Variants in TMEM63B observed in about 807,000 individuals in gnomAD.
TMEM63B encodes mechanosensitive cation channel TMEM63B.
In TMEM63B, 23 loss-of-function variants were observed where a neutral mutation model predicts 102.6. That is an observed-to-expected ratio of 0.22 (90% CI 0.16 to 0.32). The LOEUF (loss-of-function observed/expected upper bound fraction) is 0.32. Among genes scored for constraint, TMEM63B ranks in the 10% least tolerant of loss-of-function variants. TMEM63B has a pLI of 1.00. For synonymous variants in TMEM63B, 444 were observed against 437.0 expected, an observed-to-expected ratio of 1.02 and a Z score of -0.20; for missense variants, 628 against 1,095.9, an observed-to-expected ratio of 0.57 and a Z score of 6.03.
intron 9 of TMEM63B, among the ~76,000 whole-genome samples, 199 bp from the exon 10 acceptor site, chr6:44,140,825 TGTTG>T (rs1257066903): frequency 2.0e-5 from 3 of 152,174 alleles, no homozygotes; most frequent in African/African-American, 4.8e-5. Context: ...GCCTGATTTC[TGTTG>T]GAAACACTCC....
chr6:44,128,748 A>G (rs1273930636), intron 1 of TMEM63B, among the ~76,000 whole-genome samples: 3 of 152,190 alleles, frequency 2.0e-5, no homozygotes, highest in Admixed American at 2.0e-4. Flanking sequence ...CTCCCAGGCC[A>G]GGGTGAGGTG....
chr6:44,148,743 GC>G lies in TMEM63B; in HGVS notation c.1260-47del. The G allele has an allele frequency of 4.3e-6, 7 of 1,611,888 alleles. No homozygotes were observed. Among genetic ancestry groups the G allele is most frequent in the Non-Finnish European group, 5.9e-6 (7 of 1,178,232 alleles). ...AGGGAGTGTCTTGGTGTCACTGGGG[GC>G]CAATCCTGCCCTTGGTTCCTGGACT... On this transcript the variant is annotated intron_variant, in intron 14 of 23. Transcript: ENST00000323267. This position sits in a 1 kb window ranked among gnomAD's most constrained non-coding sequence, Gnocchi z 5.1.
chr6:44,153,983 A>G, intron 21 of TMEM63B, 90 bp from the exon 22 acceptor site: 3 of 1,554,750 alleles, frequency 1.9e-6, no homozygotes, highest in Non-Finnish European at 2.6e-6. Context: ...AGCACCTGGG[A>G]GAGTGAGGAC....
chr6:44,128,204 G>A (rs1231142732), intron 1 of TMEM63B, among the ~76,000 whole-genome samples: 1 of 152,160 alleles, frequency 6.6e-6, no homozygotes, highest in Non-Finnish European at 1.5e-5. Flanking sequence ...CTCGGGCAAG[G>A]GCAGGGTTCG....
chr6:44,150,413 A>G lies in TMEM63B; in HGVS notation c.1607+103A>G. 1.4e-6 allele frequency: 2 copies of G among 1,463,308 alleles called. No individual in the cohort carries two copies. Among genetic ancestry groups the G allele is most frequent in the Non-Finnish European group, 1.9e-6 (2 of 1,047,024 alleles). 90.6% of individuals were successfully genotyped at this position (1,463,308 alleles called of 1,614,324 possible). On this transcript the variant is annotated intron_variant, in intron 17 of 23. Coordinates refer to ENST00000323267, the MANE Select transcript of TMEM63B (RefSeq NM_018426.3). The surrounding 1 kb of genome is among the most constrained non-coding windows in gnomAD (Gnocchi z 4.7). ...ACCTCCCCTACAAAGCAAGGGGCCC[A>G]AGATGGGAAGCCTGGCCACCCCCAG...
chr6:44,146,325 T>C (rs1042974024), intron 10 of TMEM63B, among the ~76,000 whole-genome samples: 7 of 152,162 alleles, frequency 4.6e-5, no homozygotes, highest in African/African-American at 1.4e-4. Flanking sequence ...AGTCACACAG[T>C]GCTCAGGCCT....
intron 20 of TMEM63B, among the ~76,000 whole-genome samples, chr6:44,153,337 C>A (rs1052601613): frequency 1.3e-5 from 2 of 152,190 alleles, no homozygotes; most frequent in African/African-American, 4.8e-5. Flanking sequence ...TATCCCTCAG[C>A]CTCTGGGGAA....
At chr6:44,136,924 AG>A (rs1476224366) in intron 5 of TMEM63B, among the ~76,000 whole-genome samples, 1 of 152,230 alleles carries the variant, frequency 6.6e-6, no homozygotes, top group Non-Finnish European at 1.5e-5. Context: ...GGGCGCCTGT[AG>A]TCCCAGCTAC....
At position 44,154,814 on chromosome 6, in the gene TMEM63B, C is replaced by T. The variant is rs1020729639; in HGVS notation, c.2430C>T (p.Pro810=). ...SSQDEELLMP[P]DALTDTDFQS... ...AAGATGAGGAGTTGCTGATGCCACC[C>T]GACGCCCTCACGGACACAGACTTCC... Residue 810 remains proline, a synonymous_variant, in exon 24 of 24, where the codon CCC becomes CCT. Transcript: ENST00000323267. The T allele has an allele frequency of 3.7e-6, 6 of 1,610,480 alleles. No homozygotes were observed. The highest frequency in any genetic ancestry group is 1.3e-5 in the African/African-American group (1 of 74,780).
intron 1 of TMEM63B, among the ~76,000 whole-genome samples, chr6:44,134,057 C>G (rs1762449611): frequency 6.6e-6 from 1 of 152,208 alleles, no homozygotes. Flanking sequence ...TGAAATCATG[C>G]CATTTTTTCT....
rs1248949839 is a variant in TMEM63B, at chr6:44,152,447, C to T, written c.1837-146C>T. On this transcript the variant is annotated intron_variant, in intron 19 of 23. Transcript: ENST00000323267. This position sits in a 1 kb window ranked among gnomAD's most constrained non-coding sequence, Gnocchi z 6.4. ...AGCCCCTCTCTCCATCTGCTCTGCCCTACCCTACCCTAGACATTAGGTCCT... is the reference window on the plus strand; with the variant it reads ...AGCCCCTCTCTCCATCTGCTCTGCCTTACCCTACCCTAGACATTAGGTCCT... 3 of 655,216 alleles carry T rather than the reference C, an allele frequency of 4.6e-6. No individual in the cohort carries two copies. The highest frequency in any genetic ancestry group is 8.1e-6 in the Non-Finnish European group (3 of 371,842). 40.6% of individuals were successfully genotyped at this position (655,216 alleles called of 1,614,324 possible).
chr6:44,140,176 A>C, intron 8 of TMEM63B, 76 bp from the exon 9 acceptor site: 1 of 1,198,510 alleles, frequency 8.3e-7, no homozygotes, highest in Non-Finnish European at 1.2e-6. Flanking sequence ...AGGGTTTAAC[A>C]CTGACAGGCT....
At chr6:44,138,773 G>C in intron 6 of TMEM63B, 1 of 374,072 alleles carries the variant, frequency 2.7e-6, no homozygotes, top group African/African-American at 2.6e-5. Flanking sequence ...CCCACCTTGA[G>C]GGAGGGGGTG....
At chr6:44,138,736 G>GTCCC (rs567563400) in intron 6 of TMEM63B, 41 of 288,606 alleles carry the variant, frequency 1.4e-4, no homozygotes, top group Admixed American at 2.5e-4. Context: ...CCCCCTGCCG[G>GTCCC]CCCCCCCGCT....
chr6:44,148,741 G>A lies in TMEM63B; in HGVS notation c.1260-51G>A. 3.7e-6 allele frequency: 6 copies of A among 1,611,658 alleles called. No homozygotes were observed. The highest frequency in any genetic ancestry group is 5.1e-6 in the Non-Finnish European group (6 of 1,178,036). Reference sequence around the variant, plus strand: ...AGAGGGAGTGTCTTGGTGTCACTGGGGGCCAATCCTGCCCTTGGTTCCTGG... The same window carrying A: ...AGAGGGAGTGTCTTGGTGTCACTGGAGGCCAATCCTGCCCTTGGTTCCTGG... On this transcript the variant is annotated intron_variant, in intron 14 of 23. Coordinates refer to ENST00000323267, the MANE Select transcript of TMEM63B (RefSeq NM_018426.3). This position sits in a 1 kb window ranked among gnomAD's most constrained non-coding sequence, Gnocchi z 5.1.
In TMEM63B at chr6:44,150,167, C is replaced by G. The variant is rs144989950; in HGVS notation, c.1521-57C>G. The G allele has an allele frequency of 2.0e-4, 308 of 1,546,802 alleles. 1 individual carries two copies. In the East Asian group the frequency reaches 6.8e-3, roughly 34 times the overall value. ...TTGGACATTGTCCTTGTTGGGGGAGCAAGTCTGGGGCCTGGGCTCACTTGA... is the reference window on the plus strand; with the variant it reads ...TTGGACATTGTCCTTGTTGGGGGAGGAAGTCTGGGGCCTGGGCTCACTTGA... On this transcript the variant is annotated intron_variant, in intron 16 of 23. Coordinates refer to ENST00000323267, the MANE Select transcript of TMEM63B (RefSeq NM_018426.3). The surrounding 1 kb of genome is among the most constrained non-coding windows in gnomAD (Gnocchi z 4.7).
At position 44,150,337 on chromosome 6, in the gene TMEM63B, C is replaced by A. The variant is rs766419672; in HGVS notation, c.1607+27C>A. 6.2e-7 allele frequency: 1 copy of A among 1,603,148 alleles called. No homozygotes were observed. The highest frequency in any genetic ancestry group is 1.3e-5 in the African/African-American group (1 of 74,738). On this transcript the variant is annotated intron_variant, in intron 17 of 23. Coordinates refer to ENST00000323267, the MANE Select transcript of TMEM63B (RefSeq NM_018426.3). This position sits in a 1 kb window ranked among gnomAD's most constrained non-coding sequence, Gnocchi z 4.7. ...TGAGTTGAGAAGGATGGGGCAGGAGCCAGGGTAGGGGGACAGCAGGATAGG... is the reference window on the plus strand; with the variant it reads ...TGAGTTGAGAAGGATGGGGCAGGAGACAGGGTAGGGGGACAGCAGGATAGG...
Position 44,154,674 on chromosome 6 carries a change from T to C in TMEM63B, c.2308-18T>C. Reference sequence around the variant, plus strand: ...GGGGCAGCTGTTCACCTTGCCCCCATTTCCTCTCCTCCTTCAGAAATACAT... The same window carrying C: ...GGGGCAGCTGTTCACCTTGCCCCCACTTCCTCTCCTCCTTCAGAAATACAT... On this transcript the variant is annotated intron_variant, in intron 23 of 23. Transcript: ENST00000323267. The C allele has an allele frequency of 2.0e-6, 3 of 1,500,216 alleles. No individual in the cohort carries two copies. The highest frequency in any genetic ancestry group is 1.3e-5 in the South Asian group (1 of 78,032). The allele number at this position is 1,500,216 out of a possible 1,614,324, so 92.9% of individuals were successfully genotyped here. A position where few individuals can be genotyped will look rare whatever the true frequency, so the allele number is the denominator to read the frequency against.
chr6:44,140,623 G>A (rs1764039664), intron 9 of TMEM63B: 1 of 597,734 alleles, frequency 1.7e-6, no homozygotes, highest in Admixed American at 2.5e-5. Context: ...TGGGAAAATA[G>A]CAGTGGCTGA....
Sources: allele counts gnomAD v4.1 joint callset (sites outside exome capture counted in the v4.1 genomes callset), GRCh38; gene constraint gnomAD v4.1.1; non-coding constraint Gnocchi (gnomAD v3.1); transcripts MANE v1.5; gene names NCBI Gene and HGNC (gene_info 2026-07-23, HGNC 2026-07-21).